SLC25A26: variants seen among roughly 807,000 people sequenced by gnomAD.
SLC25A26 encodes mitochondrial S-adenosylmethionine carrier protein.
In SLC25A26, 36 loss-of-function variants were observed where a neutral mutation model predicts 37.8. That is an observed-to-expected ratio of 0.95 (90% CI 0.73 to 1.26). The LOEUF is 1.26. Among genes scored for constraint, SLC25A26 ranks in the 50% most tolerant of loss-of-function variants. SLC25A26 has a pLI of 0.00. For missense variants in SLC25A26, 390 were observed against 331.1 expected, an observed-to-expected ratio of 1.18 and a Z score of -1.38; for synonymous variants, 129 against 122.5, an observed-to-expected ratio of 1.05 and a Z score of -0.35.
At chr3:66,163,752 A>G (rs1487046243) in intron 1 of SLC25A26, among the ~76,000 whole-genome samples, 1 of 152,148 alleles carries the variant, frequency 6.6e-6, no homozygotes, top group Non-Finnish European at 1.5e-5. Flanking sequence ...CCTTGACCAA[A>G]GTCTGATTGA....
intron 1 of SLC25A26, among the ~76,000 whole-genome samples, chr3:66,164,426 A>T (rs2070398370): frequency 6.6e-6 from 1 of 151,682 alleles, no homozygotes; most frequent in Non-Finnish European, 1.5e-5. Flanking sequence ...GGCATAAGGG[A>T]TCTCTTCTGA....
intron 3 of SLC25A26, among the ~76,000 whole-genome samples, chr3:66,260,334 A>T (rs1347852127): frequency 6.6e-6 from 1 of 152,140 alleles, no homozygotes; most frequent in Non-Finnish European, 1.5e-5. Flanking sequence ...CTTGAACTGA[A>T]TTAGATAAGT....
intron 1 of SLC25A26, among the ~76,000 whole-genome samples, chr3:66,143,817 G>T (rs1454055669): frequency 6.6e-6 from 1 of 152,150 alleles, no homozygotes; most frequent in African/African-American, 2.4e-5. Flanking sequence ...GGAGGCAGAG[G>T]CTGCAGTGAG....
At chr3:66,259,864 A>G (rs537110528) in intron 3 of SLC25A26, among the ~76,000 whole-genome samples, 70 of 152,208 alleles carry the variant, frequency 4.6e-4, no homozygotes, top group African/African-American at 1.7e-3. Context: ...TTAGCATGGT[A>G]TACAGGGCCT....
At position 66,362,944 on chromosome 3, in the gene SLC25A26, A is replaced by G. The variant is rs749412863; in HGVS notation, c.568+15A>G. 7 of 1,562,608 alleles carry G rather than the reference A, an allele frequency of 4.5e-6. No homozygotes were observed. In the East Asian group the frequency reaches 1.4e-4, roughly 31 times the overall value. On this transcript the variant is annotated intron_variant, in intron 7 of 9. Coordinates refer to ENST00000354883, the MANE Select transcript of SLC25A26 (RefSeq NM_001379210.1). ...AGCTTTTGCAGGTGCAAAGGATTAT[A>G]TTATACTGGGAAAGACCAAAGAGGG...
At chr3:66,281,114 T>C (rs2107445915) in intron 5 of SLC25A26, among the ~76,000 whole-genome samples, 1 of 152,340 alleles carries the variant, frequency 6.6e-6, no homozygotes, top group African/African-American at 2.4e-5. Flanking sequence ...GAGATATTTA[T>C]CCTGTAAACG....
chr3:66,297,002 C>T (rs2074923471), intron 5 of SLC25A26, among the ~76,000 whole-genome samples: 1 of 152,160 alleles, frequency 6.6e-6, no homozygotes, highest in South Asian at 2.1e-4. Context: ...TGGAAGCCTC[C>T]CATTTATAAG....
intron 1 of SLC25A26, among the ~76,000 whole-genome samples, chr3:66,149,409 C>G (rs1365349961): frequency 6.6e-6 from 1 of 152,150 alleles, no homozygotes; most frequent in Non-Finnish European, 1.5e-5. Context: ...CAGAAGCTAG[C>G]AAAACCCCAG....
chr3:66,183,703 C>T (rs1294547787), intron 1 of SLC25A26, among the ~76,000 whole-genome samples: 1 of 152,006 alleles, frequency 6.6e-6, no homozygotes, highest in Non-Finnish European at 1.5e-5. Flanking sequence ...GACTCTCTTC[C>T]TGACTGAACT....
rs148886863 is a variant in SLC25A26 at position 66,243,290 on chromosome 3, T to C, written c.278T>C (p.Leu93Ser). 5.6e-6 allele frequency: 9 copies of C among 1,602,818 alleles called. No homozygotes were observed. The highest frequency in any genetic ancestry group is 1.3e-5 in the African/African-American group (1 of 74,762). ...SSYLTPMKHM[L>S]AASAGEVVAC... ...TATTTGACACCTATGAAACATATGTTGGCTGCCTCTGCTGGAGAAGTGGTA... is the reference window on the plus strand; with the variant it reads ...TATTTGACACCTATGAAACATATGTCGGCTGCCTCTGCTGGAGAAGTGGTA... The change falls in exon 3 of 10, where the codon TTG becomes TCG. Residue 93 changes from leucine to serine, a missense_variant. Physicochemically the swap from Leu to Ser is moderately radical, Grantham distance 145. Transcript: ENST00000354883.
At chr3:66,174,536 T>C (rs886878431) in intron 1 of SLC25A26, among the ~76,000 whole-genome samples, 1 of 152,188 alleles carries the variant, frequency 6.6e-6, no homozygotes, top group Admixed American at 6.5e-5. Flanking sequence ...ATCCCAGCAC[T>C]TCGGGAGGCC....
chr3:66,297,566 A>G (rs972937767), intron 5 of SLC25A26, among the ~76,000 whole-genome samples: 1 of 152,122 alleles, frequency 6.6e-6, no homozygotes, highest in East Asian at 1.9e-4. Context: ...GTGCCTTTTG[A>G]AGTTGTTTAA....
chr3:66,143,481 C>T (rs2070067548), intron 1 of SLC25A26, among the ~76,000 whole-genome samples: 1 of 152,166 alleles, frequency 6.6e-6, no homozygotes, highest in African/African-American at 2.4e-5. Context: ...GTTCAGATCC[C>T]TCCTTTTCTG....
intron 5 of SLC25A26, among the ~76,000 whole-genome samples, chr3:66,277,194 A>G (rs918712341): frequency 6.6e-6 from 1 of 152,144 alleles, no homozygotes; most frequent in Non-Finnish European, 1.5e-5. Context: ...CTTGAGCAGT[A>G]TTGTTCCATC....
At chr3:66,164,128 A>G (rs1266309042) in intron 1 of SLC25A26, among the ~76,000 whole-genome samples, 2 of 152,210 alleles carry the variant, frequency 1.3e-5, no homozygotes, top group African/African-American at 2.4e-5. Flanking sequence ...TTTGTAATCA[A>G]CAGGACCTTT....
At chr3:66,233,423 C>G (rs548752697) in intron 1 of SLC25A26, among the ~76,000 whole-genome samples, 34 of 151,992 alleles carry the variant, frequency 2.2e-4, no homozygotes, top group African/African-American at 8.0e-4. Flanking sequence ...TAGAACTTTT[C>G]GGTATAAGCT....
chr3:66,346,571 T>C (rs1201253596), intron 6 of SLC25A26, 163 bp downstream of exon 6: 2 of 157,034 alleles, frequency 1.3e-5, no homozygotes, highest in Non-Finnish European at 2.8e-5. Context: ...ATTTCAGCCT[T>C]TTAAACTTGT....
At chr3:66,176,064 C>T (rs1271834872) in intron 1 of SLC25A26, among the ~76,000 whole-genome samples, 2 of 152,112 alleles carry the variant, frequency 1.3e-5, no homozygotes, top group African/African-American at 4.8e-5. Context: ...TGCACTTGAT[C>T]CTTTTGCTTG....
chr3:66,140,137 C>T (rs1464077607), intron 1 of SLC25A26, among the ~76,000 whole-genome samples: 1 of 152,162 alleles, frequency 6.6e-6, no homozygotes, highest in Non-Finnish European at 1.5e-5. Flanking sequence ...AGGATGCTCT[C>T]ATTACTGGTG....
Sources: gnomAD v4.1 joint callset for allele counts (sites outside exome capture counted in the v4.1 genomes callset) on GRCh38, gnomAD v4.1.1 for gene constraint, MANE v1.5 for transcripts, NCBI Gene and HGNC (gene_info 2026-07-23, HGNC 2026-07-21) for gene names.